Variants in CDH13 observed in about 807,000 individuals in gnomAD.
CDH13 encodes the protein cadherin-13.
Under a neutral mutation model 63.8 loss-of-function variants are expected in CDH13, and 24 were observed. The ratio of observed to expected loss-of-function variants is 0.38; its 90% CI spans 0.27 to 0.53. CDH13 has a LOEUF of 0.53. CDH13 is among the 20% of genes least tolerant of loss of function. CDH13 has a pLI of 0.85. For synonymous variants in CDH13, 503 were observed against 355.3 expected, an observed-to-expected ratio of 1.42 and a Z score of -4.67; for missense variants, 1,049 against 903.1, an observed-to-expected ratio of 1.16 and a Z score of -2.07.
chr16:83,083,653 G>T (rs576737707), intron 3 of CDH13, among the ~76,000 whole-genome samples: 1 of 152,122 alleles, frequency 6.6e-6, no homozygotes, highest in Non-Finnish European at 1.5e-5. Flanking sequence ...ATGCCAACTC[G>T]CAGAGAAACT....
At chr16:82,736,654 C>T (rs1004902856) in intron 1 of CDH13, among the ~76,000 whole-genome samples, 1 of 152,172 alleles carries the variant, frequency 6.6e-6, no homozygotes, top group Non-Finnish European at 1.5e-5. Context: ...TCAAGTCTCC[C>T]ATGGTTAATA....
At chr16:83,681,425 T>C (rs1915392916) in intron 10 of CDH13, among the ~76,000 whole-genome samples, 1 of 152,216 alleles carries the variant, frequency 6.6e-6, no homozygotes, top group Non-Finnish European at 1.5e-5. Context: ...CATGTGCATA[T>C]GTGTGTGCTG....
chr16:82,986,252 G>A (rs1011773237), intron 2 of CDH13, among the ~76,000 whole-genome samples: 1 of 152,190 alleles, frequency 6.6e-6, no homozygotes, highest in Non-Finnish European at 1.5e-5. Context: ...GTCTGAGCCT[G>A]AGTAACACTT....
chr16:82,754,506 T>A (rs1054464010), intron 1 of CDH13, among the ~76,000 whole-genome samples: 15 of 152,128 alleles, frequency 9.9e-5, no homozygotes, highest in Admixed American at 7.9e-4. Flanking sequence ...TTTGTAGGAA[T>A]TGTCTAGGAT....
chr16:83,537,307 C>T (rs1442082198), intron 7 of CDH13, among the ~76,000 whole-genome samples: 1 of 152,182 alleles, frequency 6.6e-6, no homozygotes, highest in African/African-American at 2.4e-5. Context: ...CTGATCTATG[C>T]ACAAAAATTT....
chr16:83,312,329 A>G (rs889556372), intron 5 of CDH13, among the ~76,000 whole-genome samples: 2 of 152,184 alleles, frequency 1.3e-5, no homozygotes, highest in African/African-American at 4.8e-5. Flanking sequence ...AACTAAAGCA[A>G]TAGAATCATT....
At chr16:83,075,775 C>T (rs2032793070) in intron 3 of CDH13, among the ~76,000 whole-genome samples, 1 of 152,232 alleles carries the variant, frequency 6.6e-6, no homozygotes, top group African/African-American at 2.4e-5. Flanking sequence ...ATCAGATTTC[C>T]CTGTGCTTCT....
chr16:83,567,027 G>C (rs1229363304), intron 7 of CDH13, among the ~76,000 whole-genome samples: 2 of 152,052 alleles, frequency 1.3e-5, no homozygotes, highest in African/African-American at 4.8e-5. Context: ...ACAGTTCTAG[G>C]CTCTGTGCTT....
intron 3 of CDH13, among the ~76,000 whole-genome samples, chr16:83,115,535 A>G (rs1347779313): frequency 6.6e-6 from 1 of 152,224 alleles, no homozygotes; most frequent in East Asian, 1.9e-4. Context: ...GAAGCATCAC[A>G]TCTTTGCGTG....
At chr16:82,641,363 G>A (rs1434962814) in intron 1 of CDH13, among the ~76,000 whole-genome samples, 1 of 152,212 alleles carries the variant, frequency 6.6e-6, no homozygotes, top group Non-Finnish European at 1.5e-5. Flanking sequence ...GCCCTGGGTA[G>A]GGTATGAATA....
At chr16:82,809,112 C>G (rs149859943) in intron 1 of CDH13, among the ~76,000 whole-genome samples, 1 of 151,874 alleles carries the variant, frequency 6.6e-6, no homozygotes, top group Non-Finnish European at 1.5e-5. Flanking sequence ...TTCTAAGATC[C>G]TGCCAAATTA....
At chr16:82,701,057 G>A (rs1038597352) in intron 1 of CDH13, among the ~76,000 whole-genome samples, 23 of 146,222 alleles carry the variant, frequency 1.6e-4, no homozygotes, top group Admixed American at 4.4e-4. Flanking sequence ...TCCTCCATGA[G>A]TCAGTTCCTC....
intron 2 of CDH13, among the ~76,000 whole-genome samples, chr16:82,973,017 C>T (rs1312233327): frequency 4.6e-5 from 7 of 152,294 alleles, no homozygotes; most frequent in Non-Finnish European, 4.4e-5. Flanking sequence ...ATGTCAGTCT[C>T]GTTACAGAAT....
chr16:83,071,536 A>G (rs1382368516), intron 3 of CDH13, among the ~76,000 whole-genome samples: 2 of 152,150 alleles, frequency 1.3e-5, no homozygotes, highest in Non-Finnish European at 2.9e-5. Flanking sequence ...TGACCCATTA[A>G]TAGACACCTG....
intron 1 of CDH13, among the ~76,000 whole-genome samples, chr16:82,642,577 C>T (rs943184570): frequency 1.3e-5 from 2 of 152,154 alleles, no homozygotes; most frequent in Admixed American, 6.5e-5. Context: ...AAGCCACATT[C>T]CTAATCATAC....
intron 7 of CDH13, among the ~76,000 whole-genome samples, chr16:83,574,718 C>G (rs1357125115): frequency 6.6e-6 from 1 of 152,174 alleles, no homozygotes; most frequent in Non-Finnish European, 1.5e-5. Flanking sequence ...CGAATCACGA[C>G]CAAGTCATAC....
At chr16:83,738,517 G>A (rs1418322425) in intron 10 of CDH13, among the ~76,000 whole-genome samples, 1 of 152,188 alleles carries the variant, frequency 6.6e-6, no homozygotes, top group African/African-American at 2.4e-5. Flanking sequence ...GTAAATGCGA[G>A]TGGAGTTGGA....
intron 5 of CDH13, among the ~76,000 whole-genome samples, chr16:83,335,827 C>A (rs1340484629): frequency 2.0e-5 from 3 of 152,100 alleles, no homozygotes; most frequent in South Asian, 2.1e-4. Context: ...CTCACGTGCA[C>A]CCCCTTAGAG....
chr16:83,451,144 G>A (rs1360976604), intron 6 of CDH13, among the ~76,000 whole-genome samples: 1 of 152,252 alleles, frequency 6.6e-6, no homozygotes, highest in South Asian at 2.1e-4. Flanking sequence ...ATTTGTCTTT[G>A]TATTACTCTG....
Sources: allele counts gnomAD v4.1 joint callset (sites outside exome capture counted in the v4.1 genomes callset), GRCh38; gene constraint gnomAD v4.1.1; transcripts MANE v1.5; gene names NCBI Gene and HGNC (gene_info 2026-07-23, HGNC 2026-07-21).